The following DYNC1I1 variants were observed in gnomAD, a reference collection of about 807,000 sequenced individuals.
DYNC1I1 encodes cytoplasmic dynein 1 intermediate chain 1.
DYNC1I1 carries 43 observed loss-of-function variants against 86.6 expected under a neutral mutation model. That is an observed-to-expected ratio of 0.50 (90% CI 0.39 to 0.64). The LOEUF is 0.64. Among genes scored for constraint, DYNC1I1 ranks in the 30% least tolerant of loss-of-function variants. The pLI, the probability that DYNC1I1 is intolerant of heterozygous loss-of-function variation, is 0.00. For synonymous variants in DYNC1I1, 262 were observed against 283.7 expected, an observed-to-expected ratio of 0.92 and a Z score of 0.77; for missense variants, 604 against 788.8, an observed-to-expected ratio of 0.77 and a Z score of 2.81.
chr7:95,933,788 TC>T (rs1791966907), intron 6 of DYNC1I1, among the ~76,000 whole-genome samples: 1 of 152,128 alleles, frequency 6.6e-6, no homozygotes, highest in South Asian at 2.1e-4. Flanking sequence ...CACCCGCCTT[TC>T]AGTCGCCCTT....
chr7:95,861,702 A>G (rs2116124805), intron 5 of DYNC1I1, among the ~76,000 whole-genome samples: 1 of 152,314 alleles, frequency 6.6e-6, no homozygotes, highest in Admixed American at 6.5e-5. Context: ...AAATCAGAGT[A>G]TCCGAATGTG....
chr7:95,987,674 G>A (rs1204323623), intron 9 of DYNC1I1, among the ~76,000 whole-genome samples: 1 of 152,088 alleles, frequency 6.6e-6, no homozygotes, highest in Non-Finnish European at 1.5e-5. Flanking sequence ...CTCTTCCACT[G>A]CTAAGGATTC....
At position 95,984,948 on chromosome 7, in the gene DYNC1I1, C is replaced by A; in HGVS notation, c.714C>A (p.Tyr238Ter). Residue 238 changes from tyrosine (Y) to a stop codon, truncating the protein, a stop_gained, in exon 8 of 17, where the codon TAC (tyrosine) becomes TAA (stop). Transcript: ENST00000447467. LOFTEE classifies it high-confidence loss of function. Reference sequence around the variant, plus strand: ...AAGATTCCGACATCTTTTTTGACTACAGCGGCCGAGAGTTAGAGGAAAAAG... The same window carrying A: ...AAGATTCCGACATCTTTTTTGACTAAAGCGGCCGAGAGTTAGAGGAAAAAG... ...LAEDSDIFFD[Y>*]SGRELEEKDG... 6.2e-7 allele frequency: 1 copy of A among 1,613,366 alleles called. No homozygotes were observed. Among genetic ancestry groups the A allele is most frequent in the Non-Finnish European group, 8.5e-7 (1 of 1,179,610 alleles).
chr7:95,779,878 T>C (rs1217396095), intron 1 of DYNC1I1, among the ~76,000 whole-genome samples: 1 of 152,216 alleles, frequency 6.6e-6, no homozygotes, highest in African/African-American at 2.4e-5. Flanking sequence ...TGGTAATACC[T>C]AGAATCCTGG....
intron 4 of DYNC1I1, among the ~76,000 whole-genome samples, chr7:95,817,730 C>T (rs1794978826): frequency 6.6e-6 from 1 of 152,128 alleles, no homozygotes; most frequent in Non-Finnish European, 1.5e-5. Context: ...CCCTACAGAC[C>T]ACATTCTGGG....
intron 11 of DYNC1I1, among the ~76,000 whole-genome samples, chr7:96,030,060 AAC>A (rs1487177373): frequency 2.0e-5 from 3 of 152,012 alleles, no homozygotes; most frequent in African/African-American, 7.2e-5. Flanking sequence ...GCTAAAAGTG[AAC>A]AGTTAATTTT....
At position 95,926,842 on chromosome 7, in the gene DYNC1I1, T is replaced by C. The variant is rs146129593; in HGVS notation, c.491-50670T>C. On this transcript the variant is annotated intron_variant, in intron 6 of 16. Transcript: ENST00000447467. ...TGATCCACCTGCCCTCTCCTGAGAC[T>C]CTTTTTCAACATGGACAGCACTTGT... Among the ~76,000 whole-genome samples, 78 of 152,316 alleles carry C rather than the reference T, an allele frequency of 5.1e-4. 1 individual carries two copies. The East Asian group carries it at 0.015, about 29-fold the overall frequency.
At chr7:96,016,079 T>C (rs1306660250) in intron 10 of DYNC1I1, among the ~76,000 whole-genome samples, 1 of 152,138 alleles carries the variant, frequency 6.6e-6, no homozygotes, top group African/African-American at 2.4e-5. Context: ...TTTGGCCTCA[T>C]TGCTTTGTTG....
chr7:95,823,067 TTGTTAGGCTTATATATTTGTC>T (rs1310069967), intron 4 of DYNC1I1, among the ~76,000 whole-genome samples: 1 of 152,166 alleles, frequency 6.6e-6, no homozygotes, highest in Non-Finnish European at 1.5e-5. Context: ...AGAGAAGACT[TTGTTAGGCTTATATATTTGTC>T]TGCCTGGTTA....
intron 10 of DYNC1I1, among the ~76,000 whole-genome samples, chr7:96,005,197 A>G (rs1794111754): frequency 6.6e-6 from 1 of 152,186 alleles, no homozygotes; most frequent in African/African-American, 2.4e-5. Flanking sequence ...CAGAGACGGC[A>G]TGAAAAAATG....
chr7:96,066,455 G>C (rs1253884957), intron 14 of DYNC1I1, among the ~76,000 whole-genome samples: 2 of 152,218 alleles, frequency 1.3e-5, no homozygotes, highest in Non-Finnish European at 2.9e-5. Context: ...CAGAGAGCCA[G>C]TCTGTTTTCC....
At chr7:95,869,579 A>C (rs1307323434) in intron 5 of DYNC1I1, among the ~76,000 whole-genome samples, 4 of 152,134 alleles carry the variant, frequency 2.6e-5, no homozygotes, top group African/African-American at 9.7e-5. Context: ...AATAAATTTT[A>C]ACTGAGTAGA....
At chr7:95,925,030 C>T (rs1584164946) in intron 6 of DYNC1I1, among the ~76,000 whole-genome samples, 1 of 152,296 alleles carries the variant, frequency 6.6e-6, no homozygotes, top group African/African-American at 2.4e-5. Context: ...TCCTTGGTGA[C>T]TTAAGGTTTC....
intron 10 of DYNC1I1, 79 bp downstream of exon 10, chr7:95,996,152 T>G (rs1793862862): frequency 6.3e-7 from 1 of 1,581,354 alleles, no homozygotes. Context: ...ATCTGTCTTA[T>G]GCTGAGAGGA....
At chr7:95,927,035 A>G (rs1791764471) in intron 6 of DYNC1I1, among the ~76,000 whole-genome samples, 3 of 152,196 alleles carry the variant, frequency 2.0e-5, no homozygotes, top group Admixed American at 1.3e-4. Flanking sequence ...TTTTGTAAAA[A>G]TATTTTAACA....
chr7:95,948,139 A>G (rs1322820605), intron 6 of DYNC1I1, among the ~76,000 whole-genome samples: 1 of 152,166 alleles, frequency 6.6e-6, no homozygotes, highest in Non-Finnish European at 1.5e-5. Flanking sequence ...CCATCCCTCC[A>G]TCTCCTAGAG....
chr7:95,906,516 C>T (rs1224114778), intron 6 of DYNC1I1, among the ~76,000 whole-genome samples: 1 of 151,398 alleles, frequency 6.6e-6, no homozygotes, highest in Non-Finnish European at 1.5e-5. Flanking sequence ...ACGTATTTTC[C>T]ACCATGTGCT....
At chr7:95,976,475 T>C (rs539835790) in intron 6 of DYNC1I1, among the ~76,000 whole-genome samples, 17 of 152,278 alleles carry the variant, frequency 1.1e-4, no homozygotes, top group Non-Finnish European at 1.8e-4. Flanking sequence ...GGTGCTGAAA[T>C]TTTGAGTTGA....
intron 8 of DYNC1I1, among the ~76,000 whole-genome samples, 159 bp from the exon 9 acceptor site, chr7:95,986,897 C>A (rs1348663414): frequency 6.6e-6 from 1 of 152,064 alleles, no homozygotes; most frequent in Non-Finnish European, 1.5e-5. Context: ...ATAAAGAAGA[C>A]CATCTTTAGT....
Sources: gnomAD v4.1 joint callset for allele counts (sites outside exome capture counted in the v4.1 genomes callset) on GRCh38, gnomAD v4.1.1 for gene constraint, MANE v1.5 for transcripts, NCBI Gene and HGNC (gene_info 2026-07-23, HGNC 2026-07-21) for gene names.